Variants in SHMT1 observed in about 807,000 individuals in gnomAD.
SHMT1 encodes the protein serine hydroxymethyltransferase, cytosolic.
In SHMT1, 45 loss-of-function variants were observed where a neutral mutation model predicts 49.0. The ratio of observed to expected loss-of-function variants is 0.92; its 90% confidence interval spans 0.72 to 1.18. SHMT1 has a LOEUF of 1.18. Among genes scored for constraint, SHMT1 ranks in the 50% most tolerant of loss-of-function variants. The probability of loss-of-function intolerance (pLI) is 0.00; values close to 1 mark genes in which losing one functional copy is unlikely to be tolerated. For synonymous variants in SHMT1, 232 were observed against 246.6 expected, an observed-to-expected ratio of 0.94 and a Z score of 0.55; for missense variants, 541 against 612.4, an observed-to-expected ratio of 0.88 and a Z score of 1.23.
chr17:18,360,391 T>TA (rs891468790), intron 1 of SHMT1: 31 of 149,702 alleles, frequency 2.1e-4, no homozygotes, highest in African/African-American at 4.4e-4. Context: ...ACCCTGTCTC[T>TA]AAAAAAAAAT....
chr17:18,335,168 A>T (rs1471151379), intron 8 of SHMT1, among the ~76,000 whole-genome samples: 3 of 152,206 alleles, frequency 2.0e-5, no homozygotes, highest in African/African-American at 7.2e-5. Flanking sequence ...GGGTGTGAGG[A>T]TCAGACACAG....
At chr17:18,348,466 G>C in intron 3 of SHMT1, 26 bp from the exon 4 acceptor site, 1 of 1,520,122 alleles carries the variant, frequency 6.6e-7, no homozygotes, top group East Asian at 2.3e-5. Flanking sequence ...AGGAGACTTA[G>C]ATCCACTCAG....
In SHMT1 at chr17:18,348,149, G is replaced by A. The variant is rs1049133022; in HGVS notation, c.358+176C>T. The A allele has an allele frequency of 6.2e-5, 40 of 647,726 alleles. No homozygotes were observed. In the African/African-American group the frequency reaches 6.6e-4, roughly 11 times the overall value. 40.1% of individuals were successfully genotyped at this position (647,726 alleles called of 1,614,324 possible). ...TGGTCAGGCTGGTCTTGAACTGCCG[G>A]CCTCAGGTGGTCTGCCTGCCTCCGC... On this transcript the variant is annotated intron_variant, in intron 4 of 11. Coordinates refer to ENST00000316694, the MANE Select transcript of SHMT1 (RefSeq NM_004169.5).
chr17:18,353,457 C>A, intron 3 of SHMT1: 1 of 616,104 alleles, frequency 1.6e-6, no homozygotes, highest in Non-Finnish European at 2.9e-6. Context: ...CCCCAAAGAA[C>A]TGTGAAATGT....
chr17:18,333,471 T>A (rs947632248), intron 8 of SHMT1, 183 bp from the exon 9 acceptor site: 9 of 252,636 alleles, frequency 3.6e-5, no homozygotes, highest in Admixed American at 1.1e-4. Flanking sequence ...ATTTATTATT[T>A]TTATTTTTTT....
intron 11 of SHMT1, 125 bp downstream of exon 11, chr17:18,329,153 C>T: frequency 1.1e-6 from 1 of 905,802 alleles, no homozygotes; most frequent in Non-Finnish European, 1.8e-6. Context: ...TTTTTGCTGT[C>T]TCCCACCCCA....
chr17:18,330,705 C>T (rs1239847407), intron 9 of SHMT1, 34 bp from the exon 10 acceptor site: 4 of 1,432,884 alleles, frequency 2.8e-6, no homozygotes, highest in African/African-American at 1.4e-5. Flanking sequence ...GAAATGCAGG[C>T]GAATTCTATG....
In SHMT1 at chr17:18,348,383, G is replaced by T. The variant is rs1486181571; in HGVS notation, c.300C>A (p.Ala100=). 2 of 1,613,958 alleles carry T rather than the reference G, an allele frequency of 1.2e-6. No homozygotes were observed. The highest frequency in any genetic ancestry group is 2.2e-5 in the South Asian group (2 of 91,090). Residue 100 remains alanine, a synonymous_variant, in exon 4 of 12, where the codon GCC becomes GCA. Coordinates refer to ENST00000316694, the MANE Select transcript of SHMT1 (RefSeq NM_004169.5). ...GTGGGTCCAGCTTATAGGCCTGCAG[G>T]GCTCGCTTCTGACAGAGGGTCTCCA... ...DELETLCQKR[A]LQAYKLDPQC... is the part of the protein sequence containing the mutation.
intron 9 of SHMT1, chr17:18,331,049 G>C (rs928243103): frequency 8.4e-6 from 3 of 358,616 alleles, no homozygotes; most frequent in African/African-American, 2.1e-5. Flanking sequence ...ATTTACTTTG[G>C]GGGGTAAGGG....
At chr17:18,341,156 T>C (rs1984461270) in intron 5 of SHMT1, 1 of 342,992 alleles carries the variant, frequency 2.9e-6, no homozygotes, top group Admixed American at 4.4e-5. Flanking sequence ...CCAAAATGCC[T>C]GCTAATACTA....
intron 3 of SHMT1, among the ~76,000 whole-genome samples, chr17:18,351,542 A>C (rs1598055400): frequency 6.6e-6 from 1 of 151,306 alleles, no homozygotes; most frequent in African/African-American, 2.4e-5. Flanking sequence ...GCGGATCATG[A>C]GGTCAGGAGA....
At chr17:18,329,651 G>A (rs1894919353) in intron 10 of SHMT1, among the ~76,000 whole-genome samples, 1 of 152,182 alleles carries the variant, frequency 6.6e-6, no homozygotes, top group African/African-American at 2.4e-5. Context: ...ACATCTGTCT[G>A]GGTCTGAGAT....
chr17:18,361,098 G>T (rs1198604381), intron 1 of SHMT1, among the ~76,000 whole-genome samples: 1 of 151,906 alleles, frequency 6.6e-6, no homozygotes, highest in Admixed American at 6.6e-5. Flanking sequence ...CCCAGGTCAG[G>T]AGTTCGAGAC....
intron 9 of SHMT1, chr17:18,332,937 A>AATG: frequency 1.6e-6 from 1 of 607,468 alleles, no homozygotes; most frequent in Non-Finnish European, 3.1e-6. Flanking sequence ...GCTGGTGACC[A>AATG]ATGGCAACCA....
chr17:18,329,358 A>G lies in SHMT1; in HGVS notation c.1202T>C (p.Leu401Pro). The G allele has an allele frequency of 6.2e-7, 1 of 1,612,958 alleles. No individual in the cohort carries two copies. Among genetic ancestry groups the G allele is most frequent in the Non-Finnish European group, 8.5e-7 (1 of 1,179,998 alleles). Residue 401 changes from leucine to proline, a missense_variant, in exon 11 of 12, where the codon CTG becomes CCG. Physicochemically the swap from Leu to Pro is moderately conservative, Grantham distance 98. Coordinates refer to ENST00000316694, the MANE Select transcript of SHMT1 (RefSeq NM_004169.5). ...GDRSALRPSG[L>P]RLGTPALTSR... is the part of the protein sequence containing the mutation. ...CGTCAGTGCTGGGGTCCCCAGCCGC[A>G]GTCCACTGGGCCGCAGAGCGCTTCT...
At position 18,347,646 on chromosome 17, in the gene SHMT1, T is replaced by C; in HGVS notation, c.369A>G (p.Ala123=). 6.2e-7 allele frequency: 1 copy of C among 1,614,162 alleles called. No individual in the cohort carries two copies. Among genetic ancestry groups the C allele is most frequent in the Non-Finnish European group, 8.5e-7 (1 of 1,180,032 alleles). The change falls in exon 5 of 12, where the codon GCA becomes GCG. Residue 123 remains alanine, a synonymous_variant. Transcript: ENST00000316694. ...VNVQPYSGSP[A]NFAVYTALVE... ...CCAGGGCAGTGTACACAGCAAAGTT[T>C]GCAGGGGAGCCTGAAACGAGTGGAC...
At chr17:18,344,610 C>CT (rs1383192814) in intron 5 of SHMT1, among the ~76,000 whole-genome samples, 1 of 132,494 alleles carries the variant, frequency 7.5e-6, no homozygotes, top group Non-Finnish European at 1.6e-5. Flanking sequence ...GCCTGTGCTG[C>CT]TTTCTCCCTT....
intron 2 of SHMT1, 124 bp downstream of exon 2, chr17:18,355,762 C>T (rs1469603118): frequency 2.8e-6 from 2 of 707,382 alleles, no homozygotes; most frequent in Non-Finnish European, 5.1e-6. Context: ...TGTCTGCCAC[C>T]ACCTCTAAAT....
Position 18,331,113 on chromosome 17 carries a change from T to A in SHMT1, c.1055-442A>T, listed in dbSNP as rs140963394. The A allele has an allele frequency of 7.0e-3, 2,204 of 314,192 alleles. 14 individuals carry two copies. The highest frequency in any genetic ancestry group is 0.01 in the Admixed American group (244 of 23,262). The allele number at this position is 314,192 out of a possible 1,614,324, so 19.5% of individuals were successfully genotyped here. ...GACACTGTAGCCTGTGGTAGGTTTT[T>A]CCCGGATCCTGTGAGGCTGATGGTA... On this transcript the variant is annotated intron_variant, in intron 9 of 11. Transcript: ENST00000316694.
Sources: gnomAD v4.1 joint callset for allele counts (sites outside exome capture counted in the v4.1 genomes callset) on GRCh38, gnomAD v4.1.1 for gene constraint, MANE v1.5 for transcripts, NCBI Gene and HGNC (gene_info 2026-07-23, HGNC 2026-07-21) for gene names.